The following PROM1 variants were observed in gnomAD, a reference collection of about 807,000 sequenced individuals.
PROM1 encodes the protein prominin 1.
In PROM1, 105 loss-of-function variants were observed where a neutral mutation model predicts 116.9. The observed-to-expected ratio is 0.90, with a 90% CI of 0.77 to 1.06. The LOEUF (loss-of-function observed/expected upper bound fraction) is 1.06, where lower values mean the gene tolerates loss of function less well. Ranked by LOEUF, PROM1 falls within the 50% of genes least tolerant of loss-of-function variation. PROM1 has a pLI of 0.00. For synonymous variants in PROM1, 393 were observed against 387.0 expected (o/e 1.02, Z -0.18); for missense variants, 1,122 against 1,045.2 (o/e 1.07, Z -1.01).
intron 22 of PROM1, 83 bp downstream of exon 22, chr4:15,985,677 T>G (rs960588829): frequency 7.8e-6 from 8 of 1,024,614 alleles, no homozygotes; most frequent in South Asian, 1.4e-5. Flanking sequence ...AAATTTAATT[T>G]TATTTCTTCC....
At chr4:16,041,205 T>C (rs1395239344) in intron 2 of PROM1, among the ~76,000 whole-genome samples, 1 of 152,258 alleles carries the variant, frequency 6.6e-6, no homozygotes, top group Non-Finnish European at 1.5e-5. Context: ...CAAATCAAGA[T>C]GGCAGCTGAT....
intron 2 of PROM1, among the ~76,000 whole-genome samples, chr4:16,052,468 T>C (rs1578224857): frequency 6.6e-6 from 1 of 152,300 alleles, no homozygotes; most frequent in Middle Eastern, 3.4e-3. Flanking sequence ...TACAGCACTA[T>C]AGTAAATGCT....
chr4:16,051,041 A>G (rs1329560740), intron 2 of PROM1, among the ~76,000 whole-genome samples: 1 of 152,244 alleles, frequency 6.6e-6, no homozygotes, highest in Non-Finnish European at 1.5e-5. Context: ...GCTCAGCATC[A>G]GCTGGCTAGG....
rs546417309 is a variant in PROM1 at position 16,021,271 on chromosome 4, T to C, written c.784+2055A>G. On this transcript the variant is annotated intron_variant, in intron 8 of 27. Coordinates refer to ENST00000447510, the MANE Select transcript of PROM1 (RefSeq NM_006017.3). ...AAAAAGAGAATCTTTGAGTTATCTT[T>C]TACCTAAAAAGTACTAAAATTCAGT... 3.3e-5 allele frequency among the ~76,000 whole-genome samples: 5 copies of C among 152,266 alleles called. No homozygotes were observed. In the South Asian group the frequency reaches 1.0e-3, roughly 32 times the overall value.
chr4:15,998,925 T>G (rs1389431520), intron 14 of PROM1, among the ~76,000 whole-genome samples: 1 of 152,082 alleles, frequency 6.6e-6, no homozygotes, highest in African/African-American at 2.4e-5. Context: ...AAACAGCATT[T>G]CACCATGTTG....
At chr4:16,069,924 T>A (rs1022593918) in intron 2 of PROM1, among the ~76,000 whole-genome samples, 2 of 152,156 alleles carry the variant, frequency 1.3e-5, no homozygotes, top group Non-Finnish European at 2.9e-5. Flanking sequence ...AGCTGGGTGT[T>A]TGCTTTATTT....
Position 16,075,882 on chromosome 4 carries a change from A to G in PROM1, c.25T>C (p.Leu9=). MALVLGSL[L]LLGLCGNSFS... is the part of the protein sequence containing the mutation. ...GAGTTCCCGCACAGCCCCAGCAGCA[A>G]CAGGGAGCCGAGTACGAGGGCCATA... The change falls in exon 2 of 28, where the codon TTG becomes CTG. Residue 9 remains leucine, a synonymous_variant. Coordinates refer to ENST00000447510, the MANE Select transcript of PROM1 (RefSeq NM_006017.3). 1.2e-6 allele frequency: 2 copies of G among 1,613,000 alleles called. No individual in the cohort carries two copies. Among genetic ancestry groups the G allele is most frequent in the Non-Finnish European group, 1.7e-6 (2 of 1,179,414 alleles).
At chr4:16,083,414 AG>A (rs1364718155) in intron 1 of PROM1, 1 of 151,824 alleles carries the variant, frequency 6.6e-6, no homozygotes, top group Non-Finnish European at 1.5e-5. Context: ...CAGACTAAAA[AG>A]TTTGGGTTGG....
rs1723583502 is a variant in PROM1, at chr4:16,000,735, A to C, written c.1455-116T>G. On this transcript the variant is annotated intron_variant, in intron 13 of 27. Coordinates refer to ENST00000447510, the MANE Select transcript of PROM1 (RefSeq NM_006017.3). ...AGCCCTGGGGTCTTCAGTGTTATTC[A>C]GGTGAAACAGATCATCCACCTAGGA... 3.4e-6 allele frequency: 3 copies of C among 870,874 alleles called. No individual in the cohort carries two copies. The East Asian group carries it at 9.0e-5, about 26-fold the overall frequency. The allele number at this position is 870,874 out of a possible 1,614,324, so 53.9% of individuals were successfully genotyped here. A position where few individuals can be genotyped will look rare whatever the true frequency, so the allele number is the denominator to read the frequency against.
At chr4:15,994,725 G>T (rs1361919748) in intron 15 of PROM1, among the ~76,000 whole-genome samples, 1 of 152,156 alleles carries the variant, frequency 6.6e-6, no homozygotes, top group Non-Finnish European at 1.5e-5. Flanking sequence ...AGGCCTCATT[G>T]GATGTGTATT....
intron 5 of PROM1, among the ~76,000 whole-genome samples, chr4:16,029,224 G>A (rs1169281816): frequency 6.6e-6 from 1 of 152,094 alleles, no homozygotes; most frequent in Non-Finnish European, 1.5e-5. Flanking sequence ...TGGCAATCAC[G>A]TCCTAGTATA....
rs185342945 is a variant in PROM1 at position 16,011,251 on chromosome 4, T to G, written c.1141+2024A>C. Among the ~76,000 whole-genome samples the G allele has an allele frequency of 1.4e-4, 21 of 152,274 alleles. No individual in the cohort carries two copies. The East Asian group carries it at 3.9e-3, about 28-fold the overall frequency. On this transcript the variant is annotated intron_variant, in intron 11 of 27. Coordinates refer to ENST00000447510, the MANE Select transcript of PROM1 (RefSeq NM_006017.3). ...CTAGCCTCTCCTCACCTTGTTTCCC[T>G]GACACAAACCTGGTCATGGTGCCAG...
chr4:15,969,790 T>A (rs527563561), intron 27 of PROM1, among the ~76,000 whole-genome samples: 61 of 152,064 alleles, frequency 4.0e-4, no homozygotes, highest in African/African-American at 1.4e-3. Flanking sequence ...TTGGCCAGGC[T>A]GGTCTCGAAC....
intron 13 of PROM1, among the ~76,000 whole-genome samples, chr4:16,005,491 GTTTGGTGT>G (rs1374919834): frequency 1.6e-5 from 2 of 125,130 alleles, no homozygotes; most frequent in African/African-American, 6.3e-5. Flanking sequence ...TTTTTTGTTT[GTTTGGTGT>G]GTGTGTGTGT....
chr4:16,029,686 T>A (rs2149363619), intron 5 of PROM1, among the ~76,000 whole-genome samples: 1 of 152,268 alleles, frequency 6.6e-6, no homozygotes, highest in African/African-American at 2.4e-5. Flanking sequence ...TTACATTTTT[T>A]AAAATAAAAA....
chr4:15,978,646 T>C (rs1341344220), intron 26 of PROM1, among the ~76,000 whole-genome samples: 1 of 152,164 alleles, frequency 6.6e-6, no homozygotes, highest in Non-Finnish European at 1.5e-5. Context: ...GACATCACTG[T>C]GGGGAGCGGG....
intron 13 of PROM1, among the ~76,000 whole-genome samples, chr4:16,005,498 GTGT>G (rs1725222780): frequency 1.3e-3 from 1 of 778 alleles, no homozygotes; most frequent in Admixed American, 0.019. Context: ...TTTGTTTGGT[GTGT>G]GTGTGTGTGT....
intron 5 of PROM1, among the ~76,000 whole-genome samples, chr4:16,028,088 G>A (rs1731774763): frequency 6.6e-6 from 1 of 151,908 alleles, no homozygotes; most frequent in Admixed American, 6.6e-5. Flanking sequence ...CACCGACATG[G>A]GATAATCACT....
At chr4:16,030,427 G>A (rs143336925) in intron 5 of PROM1, among the ~76,000 whole-genome samples, 369 of 151,994 alleles carry the variant, frequency 2.4e-3, no homozygotes, top group African/African-American at 8.5e-3. Flanking sequence ...TTACTTGGGT[G>A]GGGAAAAAAA....
Sources: gnomAD v4.1 joint callset for allele counts (sites outside exome capture counted in the v4.1 genomes callset) on GRCh38, gnomAD v4.1.1 for gene constraint, MANE v1.5 for transcripts, NCBI Gene and HGNC (gene_info 2026-07-23, HGNC 2026-07-21) for gene names.